Variants in FRMD4A observed in about 807,000 individuals in gnomAD.
FRMD4A encodes FERM domain-containing protein 4A.
Under a neutral mutation model 129.1 loss-of-function variants are expected in FRMD4A, and 29 were observed. The ratio of observed to expected loss-of-function variants is 0.22; its 90% confidence interval spans 0.17 to 0.31. The LOEUF is 0.31. Ranked by LOEUF, FRMD4A falls within the 10% of genes least tolerant of loss-of-function variation. The probability of loss-of-function intolerance (pLI) is 1.00; values close to 1 mark genes in which losing one functional copy is unlikely to be tolerated. For missense variants in FRMD4A, 1,272 were observed against 1,375.8 expected, an observed-to-expected ratio of 0.92 and a Z score of 1.19; for synonymous variants, 634 against 571.6, an observed-to-expected ratio of 1.11 and a Z score of -1.56.
intron 2 of FRMD4A, among the ~76,000 whole-genome samples, chr10:14,105,837 T>C (rs919601625): frequency 6.6e-5 from 10 of 152,238 alleles, no homozygotes; most frequent in Non-Finnish European, 1.5e-4. Flanking sequence ...ATTTTACTAA[T>C]TGAATCTCTG....
intron 12 of FRMD4A, among the ~76,000 whole-genome samples, chr10:13,717,967 A>G (rs3814666): frequency 0.011 from 1,750 of 152,324 alleles, 71 homozygotes; most frequent in South Asian, 0.11. Context: ...TGCCCTAGCG[A>G]TATCTGTGCG....
At chr10:14,256,063 A>G (rs949759312) in intron 2 of FRMD4A, among the ~76,000 whole-genome samples, 2 of 152,130 alleles carry the variant, frequency 1.3e-5, no homozygotes, top group African/African-American at 4.8e-5. Flanking sequence ...TTTAAACTAC[A>G]GAATTAATAA....
At chr10:14,009,491 T>C (rs1184850486) in intron 2 of FRMD4A, among the ~76,000 whole-genome samples, 2 of 152,220 alleles carry the variant, frequency 1.3e-5, no homozygotes, top group African/African-American at 4.8e-5. Context: ...ACCAGTGTGC[T>C]TACTTCATTG....
At chr10:14,033,024 T>C (rs1833321079) in intron 2 of FRMD4A, among the ~76,000 whole-genome samples, 1 of 152,094 alleles carries the variant, frequency 6.6e-6, no homozygotes, top group Admixed American at 6.5e-5. Context: ...ATAATTGTAT[T>C]GGCTGGGCGC....
intron 2 of FRMD4A, among the ~76,000 whole-genome samples, chr10:13,898,186 A>T (rs1263963420): frequency 6.6e-6 from 1 of 152,072 alleles, no homozygotes; most frequent in Non-Finnish European, 1.5e-5. Context: ...CAGCCTGGAT[A>T]ACATAGTGAA....
At chr10:13,797,820 A>G (rs994164745) in intron 4 of FRMD4A, among the ~76,000 whole-genome samples, 21 of 152,266 alleles carry the variant, frequency 1.4e-4, no homozygotes, top group African/African-American at 4.6e-4. Flanking sequence ...TGTTCCTCTC[A>G]GCACATGCTT....
At chr10:14,245,878 C>T (rs954459163) in intron 2 of FRMD4A, among the ~76,000 whole-genome samples, 2 of 152,144 alleles carry the variant, frequency 1.3e-5, no homozygotes, top group Non-Finnish European at 2.9e-5. Context: ...ATACAAGCTC[C>T]TTCCAGTGCG....
At chr10:14,117,717 T>C (rs1397044723) in intron 2 of FRMD4A, among the ~76,000 whole-genome samples, 1 of 152,162 alleles carries the variant, frequency 6.6e-6, no homozygotes, top group Non-Finnish European at 1.5e-5. Flanking sequence ...GCTGGCTACG[T>C]TCATTCATTC....
chr10:13,829,886 G>A (rs755438008), intron 3 of FRMD4A, among the ~76,000 whole-genome samples: 24 of 152,160 alleles, frequency 1.6e-4, no homozygotes, highest in Admixed American at 3.3e-4. Context: ...TAAATCGGGG[G>A]CCTGGCCAGG....
chr10:13,814,223 G>T (rs1159950654), intron 3 of FRMD4A, among the ~76,000 whole-genome samples: 1 of 152,100 alleles, frequency 6.6e-6, no homozygotes, highest in South Asian at 2.1e-4. Context: ...ATTATTGTGG[G>T]TTCTTGGGGA....
chr10:14,170,019 A>T (rs1037203820), intron 2 of FRMD4A, among the ~76,000 whole-genome samples: 4 of 152,130 alleles, frequency 2.6e-5, no homozygotes, highest in African/African-American at 9.7e-5. Flanking sequence ...CATTCCAGGC[A>T]CTATTCTCCA....
intron 2 of FRMD4A, among the ~76,000 whole-genome samples, chr10:13,969,092 C>T (rs1042141125): frequency 1.3e-5 from 2 of 152,184 alleles, no homozygotes; most frequent in Admixed American, 6.5e-5. Flanking sequence ...TCCTGCAGAC[C>T]ACCCCAGCCT....
intron 2 of FRMD4A, among the ~76,000 whole-genome samples, chr10:14,292,002 T>G (rs542769968): frequency 2.0e-5 from 3 of 152,126 alleles, no homozygotes; most frequent in Non-Finnish European, 2.9e-5. Flanking sequence ...TCTAAGTACA[T>G]ATAGGTGCTT....
intron 2 of FRMD4A, among the ~76,000 whole-genome samples, chr10:14,227,906 G>A (rs1393853316): frequency 1.3e-5 from 2 of 151,440 alleles, no homozygotes; most frequent in Non-Finnish European, 2.9e-5. Flanking sequence ...ACGGAGTCTT[G>A]CTCTGTCACC....
chr10:13,791,411 G>GTA (rs1165064527), intron 5 of FRMD4A, among the ~76,000 whole-genome samples: 5 of 151,138 alleles, frequency 3.3e-5, no homozygotes, highest in Non-Finnish European at 7.4e-5. Context: ...AGGTGTGTGT[G>GTA]TGTGTGTGGC....
chr10:13,735,896 G>A (rs2090601867), intron 12 of FRMD4A, among the ~76,000 whole-genome samples: 1 of 152,216 alleles, frequency 6.6e-6, no homozygotes, highest in African/African-American at 2.4e-5. Context: ...GCTCACACCT[G>A]TAATTCCAGC....
intron 2 of FRMD4A, among the ~76,000 whole-genome samples, chr10:14,110,129 A>AAAAAAAAAAAAAAAAAAG (rs1564300621): frequency 1.0e-4 from 15 of 149,168 alleles, no homozygotes; most frequent in African/African-American, 3.5e-4. Context: ...ATGCTGTAAA[A>AAAAAAAAAAAAAAAAAAG]AAAAAAAAAA....
At chr10:14,047,130 T>C (rs1437971423) in intron 2 of FRMD4A, among the ~76,000 whole-genome samples, 2 of 152,202 alleles carry the variant, frequency 1.3e-5, no homozygotes, top group African/African-American at 4.8e-5. Flanking sequence ...GGCAATTCCA[T>C]GAAATAGATT....
Position 14,321,979 on chromosome 10 carries a change from A to C in FRMD4A, c.45+8079T>G, listed in dbSNP as rs546044832. On this transcript the variant is annotated intron_variant, in intron 2 of 24. Coordinates refer to ENST00000357447, the MANE Select transcript of FRMD4A (RefSeq NM_018027.5). ...GCTCCCTCTTCCTCCTGCTCCCACCATGCAAGATGTGCCTCCTTCCTCTTC... is the reference window on the plus strand; with the variant it reads ...GCTCCCTCTTCCTCCTGCTCCCACCCTGCAAGATGTGCCTCCTTCCTCTTC... Among the ~76,000 whole-genome samples, 17 of 152,222 alleles carry C rather than the reference A, an allele frequency of 1.1e-4. No individual in the cohort carries two copies. In the South Asian group the frequency reaches 3.5e-3, roughly 32 times the overall value.
Sources: gnomAD v4.1 joint callset for allele counts (sites outside exome capture counted in the v4.1 genomes callset) on GRCh38, gnomAD v4.1.1 for gene constraint, MANE v1.5 for transcripts, NCBI Gene and HGNC (gene_info 2026-07-23, HGNC 2026-07-21) for gene names.